Variants in UROC1 observed in about 807,000 individuals in gnomAD.
UROC1 encodes urocanate hydratase.
UROC1 carries 79 observed loss-of-function variants against 89.5 expected under a neutral mutation model. The observed-to-expected ratio is 0.88, with a 90% CI of 0.74 to 1.06. UROC1 has a LOEUF of 1.06. Among genes scored for constraint, UROC1 ranks in the 50% least tolerant of loss-of-function variants. The probability of loss-of-function intolerance (pLI) is 0.00; values close to 1 mark genes in which losing one functional copy is unlikely to be tolerated. For missense variants in UROC1, 885 were observed against 907.8 expected (o/e 0.97, Z 0.32); for synonymous variants, 361 against 354.8 (o/e 1.02, Z -0.20).
chr3:126,493,890 G>A (rs966094502), intron 15 of UROC1, among the ~76,000 whole-genome samples: 17 of 152,206 alleles, frequency 1.1e-4, no homozygotes, highest in African/African-American at 2.9e-4. Flanking sequence ...CCGGTAAAAG[G>A]CAGCAGGGCC....
At chr3:126,491,309 A>T (rs1935645339) in intron 16 of UROC1, among the ~76,000 whole-genome samples, 1 of 152,172 alleles carries the variant, frequency 6.6e-6, no homozygotes, top group Non-Finnish European at 1.5e-5. Context: ...TCACCACACT[A>T]CACGGGTCTG....
chr3:126,505,888 G>T, intron 7 of UROC1, 44 bp from the exon 8 acceptor site: 9 of 941,780 alleles, frequency 9.6e-6, no homozygotes, highest in Non-Finnish European at 1.4e-5. Flanking sequence ...CTCCCAGCCC[G>T]CCCCCTCCAC....
chr3:126,500,284 G>A (rs566790574), intron 11 of UROC1, 130 bp from the exon 12 acceptor site: 12 of 872,524 alleles, frequency 1.4e-5, no homozygotes, highest in Admixed American at 4.0e-5. Context: ...CCTGCTCCTC[G>A]GGTCGGCACC....
rs910306811 is a variant in UROC1 at position 126,509,470 on chromosome 3, C to T, written c.351+115G>A. ...CCAGGGACCTCTCTTACTAGCTTTG[C>T]AACTTTCTGTGAATCTATAATTATC... On this transcript the variant is annotated intron_variant, in intron 3 of 19. Transcript: ENST00000290868. 33 of 1,076,626 alleles carry T rather than the reference C, an allele frequency of 3.1e-5. No individual in the cohort carries two copies. In the Middle Eastern group the frequency reaches 3.4e-3, roughly 110 times the overall value. 66.7% of individuals were successfully genotyped at this position (1,076,626 alleles called of 1,614,324 possible).
intron 9 of UROC1, among the ~76,000 whole-genome samples, chr3:126,502,990 A>G (rs1334747671): frequency 6.7e-6 from 1 of 149,962 alleles, no homozygotes; most frequent in Non-Finnish European, 1.5e-5. Flanking sequence ...CTGTGTGGTT[A>G]TATGTGTGTG....
rs550077566 is a variant in UROC1 at position 126,491,286 on chromosome 3, C to T, written c.1608+1132G>A. Among the ~76,000 whole-genome samples, 5 of 152,356 alleles carry T rather than the reference C, an allele frequency of 3.3e-5. No homozygotes were observed. The South Asian group carries it at 6.2e-4, about 19-fold the overall frequency. On this transcript the variant is annotated intron_variant, in intron 16 of 19. Coordinates refer to ENST00000290868, the MANE Select transcript of UROC1 (RefSeq NM_144639.3). ...GTCGCAATGTGTGCCTTCAGCTTTA[C>T]GTCAGTCACCCTTCACCACACTACA...
intron 14 of UROC1, among the ~76,000 whole-genome samples, chr3:126,497,604 G>T (rs768107389): frequency 2.0e-5 from 3 of 152,240 alleles, no homozygotes; most frequent in Non-Finnish European, 4.4e-5. Context: ...CACTGCCCTG[G>T]CCACGTGGAG....
At position 126,492,291 on chromosome 3, in the gene UROC1, C is replaced by T. The variant is rs1935672876; in HGVS notation, c.1608+127G>A. 5.4e-6 allele frequency: 5 copies of T among 918,256 alleles called. No individual in the cohort carries two copies. The South Asian group carries it at 7.0e-5, about 13-fold the overall frequency. 56.9% of individuals were successfully genotyped at this position (918,256 alleles called of 1,614,324 possible). ...TCCTGAGCACTGGGCTGCTGAGGCC[C>T]AACGGGGGTGTCTCCCCACCCAGAA... is the stretch of plus-strand genomic sequence containing the variant. On this transcript the variant is annotated intron_variant, in intron 16 of 19. Transcript: ENST00000290868.
intron 18 of UROC1, 112 bp downstream of exon 18, chr3:126,488,086 G>A (rs1201542365): frequency 8.7e-7 from 1 of 1,143,428 alleles, no homozygotes; most frequent in East Asian, 2.3e-5. Context: ...GGCAGGGGAG[G>A]TGACCAGGGA....
intron 11 of UROC1, 24 bp from the exon 12 acceptor site, chr3:126,500,178 C>T (rs759033881): frequency 1.2e-6 from 2 of 1,611,560 alleles, no homozygotes; most frequent in Non-Finnish European, 1.7e-6. Flanking sequence ...TGGGTCAGCA[C>T]CACCGCTGTG....
Position 126,482,325 on chromosome 3 carries a change from G to T in UROC1, c.*20C>A, listed in dbSNP as rs946677467. 1.1e-5 allele frequency: 18 copies of T among 1,610,356 alleles called. No individual in the cohort carries two copies. The highest frequency in any genetic ancestry group is 1.5e-5 in the Non-Finnish European group (18 of 1,178,394). ...ATCGCCAGGGAGGAAGGGAGGCAGG[G>T]GCCGCGACTCCTGGCTCCCTCAGAG... On this transcript the variant is annotated 3_prime_UTR_variant, in exon 20 of 20. Coordinates refer to ENST00000290868, the MANE Select transcript of UROC1 (RefSeq NM_144639.3).
At position 126,507,456 on chromosome 3, in the gene UROC1, G is replaced by A. The variant is rs533513118; in HGVS notation, c.602+286C>T. Among the ~76,000 whole-genome samples the A allele has an allele frequency of 7.9e-5, 12 of 152,134 alleles. No individual in the cohort carries two copies. In the East Asian group the frequency reaches 1.2e-3, roughly 15 times the overall value. ...AGTAGCACATTCGTCACAGAAATTCGGTGGTATTCACTGTAAATTCGGTCA... is the reference window on the plus strand; with the variant it reads ...AGTAGCACATTCGTCACAGAAATTCAGTGGTATTCACTGTAAATTCGGTCA... On this transcript the variant is annotated intron_variant, in intron 6 of 19. Coordinates refer to ENST00000290868, the MANE Select transcript of UROC1 (RefSeq NM_144639.3).
At position 126,497,947 on chromosome 3, in the gene UROC1, C is replaced by T. The variant is rs1278155313; in HGVS notation, c.1438+104G>A. On this transcript the variant is annotated intron_variant, in intron 14 of 19. Coordinates refer to ENST00000290868, the MANE Select transcript of UROC1 (RefSeq NM_144639.3). ...ACAAAGTCATCTGCGCCCAGGTTCC[C>T]TCCCAGAATTAGCTAGGTGGGCCTG... is the stretch of plus-strand genomic sequence containing the variant. 15 of 1,598,430 alleles carry T rather than the reference C, an allele frequency of 9.4e-6. No individual in the cohort carries two copies. The Admixed American group carries it at 2.2e-4, about 23-fold the overall frequency.
rs147828466 is a variant in UROC1 at position 126,517,680 on chromosome 3, G to T, written c.40C>A (p.Arg14=). The T allele has an allele frequency of 6.3e-7, 1 of 1,599,882 alleles. No individual in the cohort carries two copies. The highest frequency in any genetic ancestry group is 8.5e-7 in the Non-Finnish European group (1 of 1,174,016). The change falls in exon 1 of 20, where the codon CGG becomes AGG. Residue 14 remains arginine (R), a synonymous_variant. Transcript: ENST00000290868. ...LQALCSGLPL[R]PLPENRGRQA... is the part of the protein sequence containing the mutation. Reference sequence around the variant, plus strand: ...CGTCCCCGGTTCTCTGGGAGGGGCCGCAGGGGCAGGCCAGAGCACAGCGCC... The same window carrying T: ...CGTCCCCGGTTCTCTGGGAGGGGCCTCAGGGGCAGGCCAGAGCACAGCGCC...
chr3:126,500,948 G>T, intron 10 of UROC1, 74 bp from the exon 11 acceptor site: 2 of 1,574,256 alleles, frequency 1.3e-6, no homozygotes, highest in Admixed American at 1.7e-5. Flanking sequence ...GCCAGGTGGG[G>T]ACCCTAGCAC....
Position 126,483,403 on chromosome 3 carries a change from G to T in UROC1, c.1856C>A (p.Ala619Asp). The change falls in exon 19 of 20, where the codon GCC becomes GAC. Residue 619 changes from alanine (A) to aspartate (D), a missense_variant. Transcript: ENST00000290868. ...LDGTPEAEGR[A>D]RLMLSWDVSN... ...GACATCCCAGCTGAGCATCAGCCTG[G>T]CTCTCCCCTCGGCCTCCGGGGTACC... is the stretch of plus-strand genomic sequence containing the variant. The T allele has an allele frequency of 6.2e-7, 1 of 1,613,570 alleles. No homozygotes were observed. The highest frequency in any genetic ancestry group is 8.5e-7 in the Non-Finnish European group (1 of 1,180,040).
intron 13 of UROC1, 105 bp downstream of exon 13, chr3:126,499,232 G>A (rs771101472): frequency 8.6e-5 from 109 of 1,266,808 alleles, no homozygotes; most frequent in Non-Finnish European, 1.1e-4. Context: ...CCTCAGGGGC[G>A]GTCAGAGGCT....
At chr3:126,503,305 T>C (rs1935979562) in intron 9 of UROC1, among the ~76,000 whole-genome samples, 2 of 152,244 alleles carry the variant, frequency 1.3e-5, no homozygotes, top group South Asian at 4.1e-4. Flanking sequence ...AGATTCTAGT[T>C]GAAGCCAGGT....
rs1935407580 is a variant in UROC1, at chr3:126,482,349, A to G, written c.2027T>C (p.Leu676Pro). ...DERVLQQALQ[L>P] is the part of the protein sequence containing the mutation. Reference sequence around the variant, plus strand: ...GGGCCGCGACTCCTGGCTCCCTCAGAGCTGCAGGGCCTGCTGGAGCACCCG... The same window carrying G: ...GGGCCGCGACTCCTGGCTCCCTCAGGGCTGCAGGGCCTGCTGGAGCACCCG... The change falls in exon 20 of 20, where the codon CTC becomes CCC. Residue 676 changes from leucine to proline, a missense_variant. Leu to Pro is a moderately conservative substitution (Grantham distance 98). Coordinates refer to ENST00000290868, the MANE Select transcript of UROC1 (RefSeq NM_144639.3). 1 of 1,612,922 alleles carries G rather than the reference A, an allele frequency of 6.2e-7. No individual in the cohort carries two copies. Among genetic ancestry groups the G allele is most frequent in the Non-Finnish European group, 8.5e-7 (1 of 1,179,740 alleles).
Sources: gnomAD v4.1 joint callset for allele counts (sites outside exome capture counted in the v4.1 genomes callset) on GRCh38, gnomAD v4.1.1 for gene constraint, MANE v1.5 for transcripts, NCBI Gene and HGNC (gene_info 2026-07-23, HGNC 2026-07-21) for gene names.